ZRANB3: variants seen among roughly 807,000 people sequenced by gnomAD.
ZRANB3 encodes the protein DNA annealing helicase and endonuclease ZRANB3.
In ZRANB3, 125 loss-of-function variants were observed where a neutral mutation model predicts 133.8. The observed-to-expected ratio is 0.93, with a 90% CI of 0.81 to 1.08. The LOEUF (loss-of-function observed/expected upper bound fraction) is 1.08. Ranked by LOEUF, ZRANB3 falls within the 50% of genes least tolerant of loss-of-function variation. The pLI is 0.00. For missense variants in ZRANB3, 1,229 were observed against 1,275.5 expected, an observed-to-expected ratio of 0.96 and a Z score of 0.56; for synonymous variants, 387 against 432.7, an observed-to-expected ratio of 0.89 and a Z score of 1.31.
At chr2:135,429,065 C>T (rs984578058) in intron 2 of ZRANB3, among the ~76,000 whole-genome samples, 1 of 152,164 alleles carries the variant, frequency 6.6e-6, no homozygotes, top group African/African-American at 2.4e-5. Context: ...AATTGTTCTA[C>T]CATAAAGACA....
intron 12 of ZRANB3, among the ~76,000 whole-genome samples, chr2:135,254,037 T>C (rs1679532142): frequency 6.6e-6 from 1 of 152,236 alleles, no homozygotes; most frequent in African/African-American, 2.4e-5. Context: ...AACTGGTTAC[T>C]GCTAAAGTTT....
At chr2:135,203,078 T>C (rs909605087) in intron 19 of ZRANB3, 115 bp from the exon 20 acceptor site, 1 of 1,252,392 alleles carries the variant, frequency 8.0e-7, no homozygotes, top group Non-Finnish European at 1.1e-6. Context: ...GAAAAATACA[T>C]CAGGAGAGCT....
chr2:135,493,100 T>C (rs1366069434), intron 2 of ZRANB3, among the ~76,000 whole-genome samples: 15 of 276 alleles, frequency 0.054, 1 homozygote. Context: ...TGATACCAAA[T>C]ATATATATAT....
chr2:135,397,367 G>C (rs1301380531), intron 2 of ZRANB3, among the ~76,000 whole-genome samples: 3 of 151,016 alleles, frequency 2.0e-5, no homozygotes, highest in Non-Finnish European at 2.9e-5. Context: ...AGAACTACTT[G>C]AGCCCAGGAA....
At chr2:135,236,435 C>A (rs1695287217) in intron 12 of ZRANB3, among the ~76,000 whole-genome samples, 1 of 152,136 alleles carries the variant, frequency 6.6e-6, no homozygotes, top group South Asian at 2.1e-4. Flanking sequence ...TTGGAAAAAA[C>A]TACTTTAAAG....
intron 12 of ZRANB3, among the ~76,000 whole-genome samples, chr2:135,249,310 G>T (rs1395657175): frequency 1.3e-5 from 2 of 152,210 alleles, no homozygotes; most frequent in Non-Finnish European, 2.9e-5. Context: ...GTTCACTGTA[G>T]CACTATTTGC....
chr2:135,362,310 A>T (rs1356090784), intron 3 of ZRANB3, among the ~76,000 whole-genome samples: 1 of 152,058 alleles, frequency 6.6e-6, no homozygotes, highest in Non-Finnish European at 1.5e-5. Flanking sequence ...CATAGCCCTG[A>T]TCTTCTTCTT....
In ZRANB3 at chr2:135,267,303, G is replaced by C. The variant is rs372278888; in HGVS notation, c.1387-1617C>G. 8.7e-4 allele frequency among the ~76,000 whole-genome samples: 132 copies of C among 152,180 alleles called. 4 individuals carry two copies. In the South Asian group the frequency reaches 0.02, roughly 23 times the overall value. On this transcript the variant is annotated intron_variant, in intron 11 of 20. Coordinates refer to ENST00000264159, the MANE Select transcript of ZRANB3 (RefSeq NM_032143.4). The stretch of plus-strand genomic sequence containing the variant: ...CTGAGACAGCACAGGTCATCTCATG[G>C]GGAAGGGGCTGAGTGGTGCTAGCTT...
intron 2 of ZRANB3, among the ~76,000 whole-genome samples, chr2:135,411,310 G>A (rs542259909): frequency 4.6e-5 from 7 of 152,120 alleles, no homozygotes; most frequent in Non-Finnish European, 2.9e-5. Context: ...CACTGCTGAG[G>A]GGGGAGGTGA....
chr2:135,434,666 A>T (rs889464270), intron 2 of ZRANB3, among the ~76,000 whole-genome samples: 3 of 152,240 alleles, frequency 2.0e-5, no homozygotes, highest in Non-Finnish European at 4.4e-5. Flanking sequence ...ATTTATAAAT[A>T]TCCAGATTTA....
intron 17 of ZRANB3, among the ~76,000 whole-genome samples, chr2:135,213,489 A>G (rs1373486521): frequency 6.6e-6 from 1 of 152,194 alleles, no homozygotes; most frequent in East Asian, 1.9e-4. Context: ...TCCCGATAGT[A>G]TCTCCCTGCT....
intron 6 of ZRANB3, among the ~76,000 whole-genome samples, chr2:135,326,842 G>T (rs1419563400): frequency 2.0e-5 from 3 of 146,520 alleles, no homozygotes; most frequent in Non-Finnish European, 1.5e-5. Context: ...AGAGGGTGCA[G>T]TGAGCAGAGA....
intron 8 of ZRANB3, among the ~76,000 whole-genome samples, chr2:135,290,147 T>C (rs1681612714): frequency 6.6e-6 from 1 of 152,212 alleles, no homozygotes; most frequent in Non-Finnish European, 1.5e-5. Flanking sequence ...CCATTGATTC[T>C]TTGTTGACTT....
intron 2 of ZRANB3, among the ~76,000 whole-genome samples, chr2:135,461,755 CA>C (rs1275051834): frequency 1.3e-5 from 2 of 151,918 alleles, no homozygotes; most frequent in African/African-American, 4.8e-5. Context: ...GTTCTGAAGT[CA>C]AAAAAATGAT....
At chr2:135,388,097 G>A (rs909346083) in intron 3 of ZRANB3, among the ~76,000 whole-genome samples, 9 of 152,190 alleles carry the variant, frequency 5.9e-5, no homozygotes, top group Admixed American at 2.0e-4. Context: ...CACAATCATG[G>A]TGGAAGGCGA....
chr2:135,356,152 A>T (rs1685423584), intron 3 of ZRANB3, among the ~76,000 whole-genome samples: 1 of 152,156 alleles, frequency 6.6e-6, no homozygotes, highest in South Asian at 2.1e-4. Context: ...GACTTGAAAC[A>T]ATAGGTAGAA....
chr2:135,398,024 C>T (rs1158335101), intron 2 of ZRANB3, among the ~76,000 whole-genome samples: 3 of 152,040 alleles, frequency 2.0e-5, no homozygotes, highest in East Asian at 1.9e-4. Flanking sequence ...TTGCTCTCCA[C>T]GTTTTACATA....
chr2:135,393,757 T>G (rs933946038), intron 2 of ZRANB3, among the ~76,000 whole-genome samples: 8 of 152,114 alleles, frequency 5.3e-5, no homozygotes, highest in African/African-American at 1.9e-4. Flanking sequence ...CAATTATCCA[T>G]AAAGAGAAAA....
intron 15 of ZRANB3, among the ~76,000 whole-genome samples, chr2:135,220,021 T>C (rs571174177): frequency 1.3e-5 from 2 of 152,052 alleles, no homozygotes; most frequent in South Asian, 2.1e-4. Context: ...ACAGGCACGT[T>C]CCACCACGCC....
Sources: gnomAD v4.1 joint callset for allele counts (sites outside exome capture counted in the v4.1 genomes callset) on GRCh38, gnomAD v4.1.1 for gene constraint, MANE v1.5 for transcripts, NCBI Gene and HGNC (gene_info 2026-07-23, HGNC 2026-07-21) for gene names.